CAPG: variants seen among roughly 807,000 people sequenced by gnomAD.
CAPG encodes the protein macrophage-capping protein.
Under a neutral mutation model 44.6 loss-of-function variants are expected in CAPG, and 32 were observed. The observed-to-expected ratio is 0.72, with a 90% confidence interval of 0.54 to 0.96. CAPG has a LOEUF of 0.96. CAPG is among the 50% of genes least tolerant of loss of function. The pLI is 0.00. For missense variants in CAPG, 412 were observed against 438.3 expected, an observed-to-expected ratio of 0.94 and a Z score of 0.54; for synonymous variants, 175 against 179.6, an observed-to-expected ratio of 0.97 and a Z score of 0.20.
At chr2:85,400,726 C>A (rs1686840824) in intron 5 of CAPG, among the ~76,000 whole-genome samples, 2 of 149,250 alleles carry the variant, frequency 1.3e-5, no homozygotes, top group Admixed American at 1.3e-4. Context: ...TGCCCCAAGA[C>A]CCCCCCAGCA....
At chr2:85,393,874 T>C (rs1686474209), downstream of CAPG, among the ~76,000 whole-genome samples, 1 of 152,190 alleles carries the variant, frequency 6.6e-6, no homozygotes, top group African/African-American at 2.4e-5. Context: ...GGGGTATCTA[T>C]GGTATGGTTC....
At chr2:85,399,370 C>G in intron 5 of CAPG, 85 bp from the exon 6 acceptor site, 1 of 1,409,264 alleles carries the variant, frequency 7.1e-7, no homozygotes. Context: ...AGCTCTCCCT[C>G]TCTCCTCTCT....
chr2:85,401,755 C>G (rs763059649), intron 3 of CAPG, 30 bp downstream of exon 3: 2 of 1,612,348 alleles, frequency 1.2e-6, no homozygotes, highest in South Asian at 1.1e-5. Context: ...CCTTCCTGGG[C>G]CCAACCTTCC....
chr2:85,410,862 T>G (rs1273496693), upstream of CAPG, among the ~76,000 whole-genome samples: 1 of 134,782 alleles, frequency 7.4e-6, no homozygotes, highest in Non-Finnish European at 1.7e-5. Context: ...TTTGGTTTTT[T>G]TTGTTTTTTT....
At chr2:85,408,404 G>A (rs148834671) in intron 1 of CAPG, among the ~76,000 whole-genome samples, 31 of 146,316 alleles carry the variant, frequency 2.1e-4, no homozygotes, top group African/African-American at 7.4e-4. Flanking sequence ...TTCCAGGCCC[G>A]TATCAAGCCC....
Position 85,395,931 on chromosome 2 carries a change from G to T in CAPG, c.893-305C>A. The T allele has an allele frequency of 2.9e-6, 1 of 340,260 alleles. No homozygotes were observed. The highest frequency in any genetic ancestry group is 4.3e-5 in the South Asian group (1 of 23,262). 21.1% of individuals were successfully genotyped at this position (340,260 alleles called of 1,614,324 possible). On this transcript the variant is annotated intron_variant, in intron 8 of 9. Transcript: ENST00000263867. This position sits in a 1 kb window ranked among gnomAD's most constrained non-coding sequence, Gnocchi z 4.3. ...GGGAGGGGAACAGGTGTTCACCCTA[G>T]CATCAGACTGTGAGGCCGCAGGTCT...
chr2:85,419,358 C>T (rs948200673), upstream of CAPG: 5 of 152,358 alleles, frequency 3.3e-5, no homozygotes, highest in African/African-American at 1.2e-4. Flanking sequence ...CTTGTCCTAA[C>T]TTCCCAGGTT....
At chr2:85,416,041 G>A (rs1310537662) in intron 1 of CAPG, among the ~76,000 whole-genome samples, 1 of 152,066 alleles carries the variant, frequency 6.6e-6, no homozygotes, top group Non-Finnish European at 1.5e-5. Context: ...AAAGAATGAA[G>A]GCCTGGACAA....
chr2:85,417,286 T>C (rs1421745982), intron 1 of CAPG, among the ~76,000 whole-genome samples: 1 of 152,112 alleles, frequency 6.6e-6, no homozygotes, highest in African/African-American at 2.4e-5. Flanking sequence ...CCTCTTATTA[T>C]CCTCCTTTGA....
chr2:85,414,245 C>A (rs1217556955), upstream of CAPG, among the ~76,000 whole-genome samples: 1 of 152,172 alleles, frequency 6.6e-6, no homozygotes, highest in Non-Finnish European at 1.5e-5. Flanking sequence ...TCCATTCAAT[C>A]GTTAGGCCCC....
chr2:85,414,054 A>C (rs777580130), upstream of CAPG: 1 of 152,394 alleles, frequency 6.6e-6, no homozygotes, highest in African/African-American at 2.4e-5. Context: ...GTGCGCGGCC[A>C]GGAGCCGCCC....
intron 1 of CAPG, among the ~76,000 whole-genome samples, chr2:85,406,794 G>A (rs1687181553): frequency 6.6e-6 from 1 of 151,672 alleles, no homozygotes; most frequent in African/African-American, 2.4e-5. Flanking sequence ...GAAGGCAGAG[G>A]TTGCAGTGAG....
chr2:85,408,057 C>T (rs1377065465), intron 1 of CAPG, among the ~76,000 whole-genome samples: 3 of 152,022 alleles, frequency 2.0e-5, no homozygotes, highest in Admixed American at 6.6e-5. Context: ...GCCCCCTCAT[C>T]CTAGGCTGGG....
chr2:85,401,284 G>A lies in CAPG; in HGVS notation c.397C>T (p.Pro133Ser), dbSNP rs370122534. 2.5e-6 allele frequency: 4 copies of A among 1,614,006 alleles called. No individual in the cohort carries two copies. The highest frequency in any genetic ancestry group is 1.1e-5 in the South Asian group (1 of 91,084). Residue 133 changes from proline to serine, a missense_variant, in exon 5 of 10, where the codon CCA becomes TCA. Coordinates refer to ENST00000263867, the MANE Select transcript of CAPG (RefSeq NM_001747.4). ...TGGTAGAGTTTCTTGATGGCAGCTG[G>A]GGCTCCTGTGGAGGTCTTGTGAAAT... Reference protein sequence around the residue: ...SAFHKTSTGAPAAIKKLYQVK... With the variant: ...SAFHKTSTGASAAIKKLYQVK...
chr2:85,399,299 G>C lies in CAPG; in HGVS notation c.517-14C>G. Reference sequence around the variant, plus strand: ...GGCGAAGATGTTCTGCAAGGAAGCAGGAAAGTCCGGGTCAGAGCCAGATGC... The same window carrying C: ...GGCGAAGATGTTCTGCAAGGAAGCACGAAAGTCCGGGTCAGAGCCAGATGC... On this transcript the variant is annotated splice_polypyrimidine_tract_variant and intron_variant, in intron 5 of 9. Coordinates refer to ENST00000263867, the MANE Select transcript of CAPG (RefSeq NM_001747.4). 1 of 1,613,272 alleles carries C rather than the reference G, an allele frequency of 6.2e-7. No homozygotes were observed. Among genetic ancestry groups the C allele is most frequent in the Non-Finnish European group, 8.5e-7 (1 of 1,179,656 alleles).
At chr2:85,399,401 C>A in intron 5 of CAPG, 116 bp from the exon 6 acceptor site, 1 of 1,134,638 alleles carries the variant, frequency 8.8e-7, no homozygotes. Flanking sequence ...TGAGGCAGGA[C>A]AACCAGGAAG....
downstream of CAPG, among the ~76,000 whole-genome samples, chr2:85,392,005 GC>G: frequency 6.6e-6 from 1 of 152,312 alleles, no homozygotes; most frequent in East Asian, 1.9e-4. Context: ...AGGTAGCCCA[GC>G]TCTTGTTAAG....
At position 85,400,696 on chromosome 2, in the gene CAPG, C is replaced by T. The variant is rs113200125; in HGVS notation, c.516+469G>A. Among the ~76,000 whole-genome samples, 70 of 152,224 alleles carry T rather than the reference C, an allele frequency of 4.6e-4. 2 individuals are homozygous for T. The highest frequency in any genetic ancestry group is 1.6e-3 in the African/African-American group (67 of 41,516). Reference sequence around the variant, plus strand: ...CTTCCTGGGACAACTGGCTTCGGCTCAGGCTAGAGGGCCCCTCCCTGCCCC... The same window carrying T: ...CTTCCTGGGACAACTGGCTTCGGCTTAGGCTAGAGGGCCCCTCCCTGCCCC... On this transcript the variant is annotated intron_variant, in intron 5 of 9. Coordinates refer to ENST00000263867, the MANE Select transcript of CAPG (RefSeq NM_001747.4).
Position 85,395,048 on chromosome 2 carries a change from G to C in CAPG, c.982-90C>G. On this transcript the variant is annotated intron_variant, in intron 9 of 9. Coordinates refer to ENST00000263867, the MANE Select transcript of CAPG (RefSeq NM_001747.4). The surrounding 1 kb of genome is among the most constrained non-coding windows in gnomAD (Gnocchi z 4.3). ...ACAGGAGGGGGCCAGAGCCAGGGAG[G>C]AGGGTGTGGGCGCCTGGCCTGAATC... is the stretch of plus-strand genomic sequence containing the variant. 1 of 871,774 alleles carries C rather than the reference G, an allele frequency of 1.1e-6. No homozygotes were observed. Among genetic ancestry groups the C allele is most frequent in the East Asian group, 2.5e-5 (1 of 39,656 alleles). 54.0% of individuals were successfully genotyped at this position (871,774 alleles called of 1,614,324 possible). A position where few individuals can be genotyped will look rare whatever the true frequency, so the allele number is the denominator to read the frequency against.
Sources: allele counts gnomAD v4.1 joint callset (sites outside exome capture counted in the v4.1 genomes callset), GRCh38; gene constraint gnomAD v4.1.1; non-coding constraint Gnocchi (gnomAD v3.1); transcripts MANE v1.5; gene names NCBI Gene and HGNC (gene_info 2026-07-23, HGNC 2026-07-21).